Variants in PHF20 observed in about 807,000 individuals in gnomAD.
PHF20 encodes glioma-expressed antigen 2.
In PHF20, 23 loss-of-function variants were observed where a neutral mutation model predicts 113.5. The observed-to-expected ratio is 0.20, with a 90% CI of 0.15 to 0.29. PHF20 has a LOEUF of 0.29. Ranked by LOEUF, PHF20 falls within the 10% of genes least tolerant of loss-of-function variation. The pLI, the probability that PHF20 is intolerant of heterozygous loss-of-function variation, is 1.00. For synonymous variants in PHF20, 434 were observed against 457.3 expected (o/e 0.95, Z 0.65); for missense variants, 943 against 1,219.6 (o/e 0.77, Z 3.38).
intron 9 of PHF20, among the ~76,000 whole-genome samples, chr20:35,896,103 G>GTGTGTGTGTGTGTGTGTT (rs1467701010): frequency 1.3e-5 from 2 of 151,980 alleles, no homozygotes; most frequent in African/African-American, 4.8e-5. Flanking sequence ...GTGTGTGTGT[G>GTGTGTGTGTGTGTGTGTT]TGTGTGTGTG....
intron 2 of PHF20, among the ~76,000 whole-genome samples, chr20:35,823,993 T>G (rs1379436043): frequency 6.6e-6 from 1 of 152,250 alleles, no homozygotes; most frequent in Non-Finnish European, 1.5e-5. Context: ...CAAAGACATA[T>G]GGATTGTTTC....
intron 16 of PHF20, among the ~76,000 whole-genome samples, chr20:35,940,532 G>A (rs771848840): frequency 1.3e-5 from 2 of 151,958 alleles, no homozygotes; most frequent in African/African-American, 2.4e-5. Flanking sequence ...TGTGACTCCC[G>A]TGTACTAACC....
intron 2 of PHF20, among the ~76,000 whole-genome samples, chr20:35,829,894 C>T (rs964358480): frequency 6.7e-5 from 10 of 148,632 alleles, no homozygotes; most frequent in South Asian, 4.2e-4. Context: ...TGAGCCACCA[C>T]GCCCAGCCCA....
chr20:35,773,501 ACCT>A (rs1018934355), intron 1 of PHF20, among the ~76,000 whole-genome samples: 129 of 151,612 alleles, frequency 8.5e-4, no homozygotes, highest in African/African-American at 3.0e-3. Flanking sequence ...CCAGAGTCAC[ACCT>A]CCTGAATTCT....
At chr20:35,914,502 G>A (rs920536484) in intron 12 of PHF20, among the ~76,000 whole-genome samples, 2 of 152,118 alleles carry the variant, frequency 1.3e-5, no homozygotes, top group Admixed American at 1.3e-4. Context: ...TAAAGAAATG[G>A]ACAAGTGGGA....
intron 6 of PHF20, among the ~76,000 whole-genome samples, chr20:35,865,013 C>T (rs942136804): frequency 3.3e-5 from 5 of 151,746 alleles, no homozygotes; most frequent in Admixed American, 6.6e-5. Flanking sequence ...TGGTGAAACC[C>T]CGTCTCTACT....
intron 10 of PHF20, among the ~76,000 whole-genome samples, chr20:35,907,615 A>G (rs554586083): frequency 4.6e-5 from 7 of 152,302 alleles, no homozygotes; most frequent in Admixed American, 2.6e-4. Context: ...CGTTACTTGT[A>G]TTGTCTTATT....
Position 35,917,266 on chromosome 20 carries a change from T to C in PHF20, c.1826-218T>C, listed in dbSNP as rs1600931606. ...GTTGGGCTTCATTCTCTCAGTGAAA[T>C]GAGGAAGTGGAGTTGAGTTCACTGC... On this transcript the variant is annotated intron_variant, in intron 12 of 17. Coordinates refer to ENST00000374012, the MANE Select transcript of PHF20 (RefSeq NM_016436.5). The C allele has an allele frequency of 2.3e-5, 15 of 646,326 alleles. No homozygotes were observed. In the East Asian group the frequency reaches 4.5e-4, roughly 19 times the overall value. The allele number at this position is 646,326 out of a possible 1,614,324, so 40.0% of individuals were successfully genotyped here.
At chr20:35,849,961 A>G (rs1247080768) in intron 4 of PHF20, among the ~76,000 whole-genome samples, 1 of 152,134 alleles carries the variant, frequency 6.6e-6, no homozygotes, top group Non-Finnish European at 1.5e-5. Context: ...CAGAGTGTGG[A>G]AGTGGCAGCT....
chr20:35,931,265 C>G lies in PHF20; in HGVS notation c.2121C>G (p.Phe707Leu). Residue 707 changes from phenylalanine (F) to leucine (L), a missense_variant, in exon 15 of 18, where the codon TTC becomes TTG. Phe to Leu is a conservative substitution (Grantham distance 22, BLOSUM62 0). Around this residue, in one of 3 missense-constraint regions of PHF20, gnomAD observed 349 missense variants for 412.3 expected, o/e 0.85. Transcript: ENST00000374012. The stretch of plus-strand genomic sequence containing the variant: ...CTGCTGTAGGTCAGAGGCCTGGCTT[C>G]AAGTACTGGTATGACAAGGAGTGGC... ...CQDPPGQRPGFKYWYDKEWLS... is the reference protein window; with the variant it reads ...CQDPPGQRPGLKYWYDKEWLS... 1 of 1,611,556 alleles carries G rather than the reference C, an allele frequency of 6.2e-7. No individual in the cohort carries two copies. The highest frequency in any genetic ancestry group is 8.5e-7 in the Non-Finnish European group (1 of 1,177,976).
Position 35,917,480 on chromosome 20 carries a change from G to A in PHF20, c.1826-4G>A, listed in dbSNP as rs73618547. The A allele has an allele frequency of 3.1e-3, 4,953 of 1,610,546 alleles. 81 individuals carry two copies. The East Asian group carries it at 0.041, about 13-fold the overall frequency. On this transcript the variant is annotated splice_polypyrimidine_tract_variant and splice_region_variant and intron_variant, in intron 12 of 17. Coordinates refer to ENST00000374012, the MANE Select transcript of PHF20 (RefSeq NM_016436.5). ...AGTAACTGTTGTTTTCCCTTTCCTC[G>A]TAGAGGAGGATAATTTGAGTGAGTC...
intron 1 of PHF20, among the ~76,000 whole-genome samples, chr20:35,790,289 C>G (rs887833135): frequency 1.6e-4 from 24 of 152,008 alleles, no homozygotes; most frequent in Admixed American, 1.2e-3. Context: ...CAACCTCTGC[C>G]TTTTGGGTTC....
At chr20:35,836,844 CAAA>C (rs36116121) in intron 2 of PHF20, among the ~76,000 whole-genome samples, 2 of 70,732 alleles carry the variant, frequency 2.8e-5, no homozygotes, top group African/African-American at 5.3e-5. Context: ...GACTCCGTCT[CAAA>C]AAAAAAAAAA....
chr20:35,840,290 T>C (rs1199937301), intron 2 of PHF20, among the ~76,000 whole-genome samples: 1 of 152,204 alleles, frequency 6.6e-6, no homozygotes, highest in Admixed American at 6.6e-5. Context: ...AATACCTTTA[T>C]ATAGTTGAAA....
intron 6 of PHF20, among the ~76,000 whole-genome samples, chr20:35,865,291 A>G (rs913714840): frequency 3.9e-5 from 6 of 152,048 alleles, no homozygotes; most frequent in Non-Finnish European, 8.8e-5. Flanking sequence ...ACTTGAGTCC[A>G]GAAGTTCGAG....
At position 35,948,463 on chromosome 20, in the gene PHF20, T is replaced by TA. The variant is rs2056124063; in HGVS notation, c.*839dup. 1 of 152,694 alleles carries TA rather than the reference T, an allele frequency of 6.5e-6. No individual in the cohort carries two copies. The highest frequency in any genetic ancestry group is 1.5e-5 in the Non-Finnish European group (1 of 68,046). The allele number at this position is 152,694 out of a possible 1,614,324, so 9.5% of individuals were successfully genotyped here. On this transcript the variant is annotated 3_prime_UTR_variant, in exon 18 of 18. Transcript: ENST00000374012. ...CCCAAAATTTCAAACTCTTTCACTG[T>TA]AAAGATTTGTTACAAAGAATGTGGT...
At chr20:35,795,855 T>C (rs1417704172) in intron 1 of PHF20, among the ~76,000 whole-genome samples, 1 of 152,140 alleles carries the variant, frequency 6.6e-6, no homozygotes, top group Non-Finnish European at 1.5e-5. Context: ...GTTTAATTAT[T>C]ATAAATTTTT....
At chr20:35,865,796 G>A (rs1568673565) in intron 6 of PHF20, among the ~76,000 whole-genome samples, 1 of 152,006 alleles carries the variant, frequency 6.6e-6, no homozygotes, top group Non-Finnish European at 1.5e-5. Flanking sequence ...CACCATGCCT[G>A]GCACTTAAAA....
chr20:35,865,907 C>G (rs1343910787), intron 6 of PHF20, among the ~76,000 whole-genome samples: 1 of 151,820 alleles, frequency 6.6e-6, no homozygotes, highest in Non-Finnish European at 1.5e-5. Context: ...AATCCCGTCT[C>G]CACTAAAAAT....
Sources: gnomAD v4.1 joint callset for allele counts (sites outside exome capture counted in the v4.1 genomes callset) on GRCh38, gnomAD v4.1.1 for gene constraint, gnomAD v4.1.1 regional missense constraint, MANE v1.5 for transcripts, NCBI Gene and HGNC (gene_info 2026-07-23, HGNC 2026-07-21) for gene names.